USH1C: variants seen among roughly 807,000 people sequenced by gnomAD.
The protein encoded by USH1C is harmonin.
In USH1C, 90 loss-of-function variants were observed where a neutral mutation model predicts 119.3. The observed-to-expected ratio is 0.75, with a 90% CI of 0.64 to 0.90. The LOEUF (loss-of-function observed/expected upper bound fraction) is 0.90. Ranked by LOEUF, USH1C falls within the 40% of genes least tolerant of loss-of-function variation. The probability of loss-of-function intolerance (pLI) is 0.00; values close to 1 mark genes in which losing one functional copy is unlikely to be tolerated. For synonymous variants in USH1C, 465 were observed against 443.3 expected (o/e 1.05, Z -0.62); for missense variants, 1,165 against 1,167.7 (o/e 1.00, Z 0.03).
intron 16 of USH1C, among the ~76,000 whole-genome samples, chr11:17,510,937 T>A (rs1479627837): frequency 2.6e-4 from 39 of 152,230 alleles, no homozygotes; most frequent in Non-Finnish European, 4.4e-5. Flanking sequence ...TTCAATCTTA[T>A]TTTTAATTTT....
At chr11:17,519,455 A>C (rs1426570175) in intron 14 of USH1C, among the ~76,000 whole-genome samples, 1 of 152,208 alleles carries the variant, frequency 6.6e-6, no homozygotes, top group Non-Finnish European at 1.5e-5. Flanking sequence ...AGCTAGTGAA[A>C]GGGTTTTTAT....
At chr11:17,525,518 T>A (rs889528260) in intron 8 of USH1C, among the ~76,000 whole-genome samples, 2 of 152,232 alleles carry the variant, frequency 1.3e-5, no homozygotes, top group African/African-American at 4.8e-5. Flanking sequence ...GGAATTATTA[T>A]CGCCCATTTA....
In USH1C at chr11:17,504,707, GA is replaced by G. The variant is rs397848183; in HGVS notation, c.2134-11del. The G allele has an allele frequency of 0.037, 35,000 of 953,452 alleles. 3 individuals are homozygous for G. Among genetic ancestry groups the G allele is most frequent in the East Asian group, 0.054 (1,214 of 22,548 alleles). 59.1% of individuals were successfully genotyped at this position (953,452 alleles called of 1,614,324 possible). A position where few individuals can be genotyped will look rare whatever the true frequency, so the allele number is the denominator to read the frequency against. On this transcript the variant is annotated splice_polypyrimidine_tract_variant and intron_variant, in intron 19 of 26. Coordinates refer to ENST00000005226, the MANE Select transcript of USH1C (RefSeq NM_153676.4). The stretch of plus-strand genomic sequence containing the variant: ...TCAACATCTCCTGTGGCTGCCAGAG[GA>G]AAAAAAAAAAAGTTCCACATTGGAT...
At chr11:17,506,313 C>T (rs769254554) in intron 18 of USH1C, among the ~76,000 whole-genome samples, 1 of 152,210 alleles carries the variant, frequency 6.6e-6, no homozygotes, top group Non-Finnish European at 1.5e-5. Flanking sequence ...TCTTTGGCCA[C>T]AGTTCCAGTC....
chr11:17,533,365 C>CG (rs1554963786), intron 1 of USH1C, 43 bp from the exon 2 acceptor site: 3 of 1,436,868 alleles, frequency 2.1e-6, no homozygotes, highest in African/African-American at 2.8e-5. Flanking sequence ...GGCTCAGCAC[C>CG]CGCCCCCATA....
chr11:17,521,235 A>G, intron 13 of USH1C, 111 bp downstream of exon 13: 3 of 1,209,590 alleles, frequency 2.5e-6, no homozygotes, highest in Non-Finnish European at 3.7e-6. Flanking sequence ...AGGACCCACC[A>G]GGGGATGAGA....
intron 26 of USH1C, 191 bp from the exon 27 acceptor site, chr11:17,494,567 A>C (rs1195822783): frequency 2.7e-5 from 18 of 659,440 alleles, no homozygotes; most frequent in Non-Finnish European, 3.8e-5. Flanking sequence ...ACAGGAGGCC[A>C]GGGAGAAAGC....
chr11:17,535,567 G>T (rs1419797726), intron 1 of USH1C, among the ~76,000 whole-genome samples: 1 of 152,102 alleles, frequency 6.6e-6, no homozygotes, highest in African/African-American at 2.4e-5. Flanking sequence ...GATCTATTTT[G>T]TTCTAAATTT....
intron 22 of USH1C, 39 bp from the exon 23 acceptor site, chr11:17,501,189 C>G: frequency 1.3e-6 from 2 of 1,541,890 alleles, no homozygotes; most frequent in East Asian, 2.3e-5. Flanking sequence ...GCCAAGCAGA[C>G]AGCAGCCTGT....
chr11:17,543,739 C>T (rs1202070290), intron 1 of USH1C, among the ~76,000 whole-genome samples: 4 of 152,178 alleles, frequency 2.6e-5, no homozygotes, highest in African/African-American at 9.7e-5. Flanking sequence ...GGGTCAGCAC[C>T]AGCTCCTCAG....
At chr11:17,543,416 A>C (rs1007234503) in intron 1 of USH1C, among the ~76,000 whole-genome samples, 9 of 151,186 alleles carry the variant, frequency 6.0e-5, no homozygotes, top group East Asian at 2.0e-4. Flanking sequence ...GATACCACCC[A>C]CCCCCCCCAA....
chr11:17,500,652 G>T (rs368011856), intron 23 of USH1C, among the ~76,000 whole-genome samples: 1 of 152,064 alleles, frequency 6.6e-6, no homozygotes. Flanking sequence ...TCAGCTCAGG[G>T]TTCGCCCCTC....
intron 1 of USH1C, 121 bp downstream of exon 1, chr11:17,544,151 C>T: frequency 2.2e-6 from 3 of 1,371,626 alleles, no homozygotes; most frequent in South Asian, 2.4e-5. Context: ...GGTGTCCCAG[C>T]CCAACCAGAG....
chr11:17,517,925 C>T (rs1455142859), intron 14 of USH1C, among the ~76,000 whole-genome samples: 1 of 152,174 alleles, frequency 6.6e-6, no homozygotes, highest in East Asian at 1.9e-4. Flanking sequence ...ACAGTGTGGG[C>T]AGCAGATGGA....
intron 15 of USH1C, among the ~76,000 whole-genome samples, 191 bp downstream of exon 15, chr11:17,516,050 C>T (rs1850129430): frequency 6.6e-6 from 1 of 152,250 alleles, no homozygotes; most frequent in Non-Finnish European, 1.5e-5. Context: ...ATCCCTCTCC[C>T]AATGTTGCCT....
chr11:17,523,258 C>A lies in USH1C; in HGVS notation c.829G>T (p.Val277Leu). 6.2e-7 allele frequency: 1 copy of A among 1,614,192 alleles called. No homozygotes were observed. The highest frequency in any genetic ancestry group is 8.5e-7 in the Non-Finnish European group (1 of 1,180,028). Reference sequence around the variant, plus strand: ...GTCAGGCTGCGGCTACTCTTCAGCACATTTACAGCCTGTGGGGACAGAAGG... The same window carrying A: ...GTCAGGCTGCGGCTACTCTTCAGCAAATTTACAGCCTGTGGGGACAGAAGG... The part of the protein sequence containing the change: ...SNLDHKEAVN[V>L]LKSSRSLTIS... The change falls in exon 11 of 27, where the codon GTG (valine) becomes TTG (leucine). Residue 277 changes from valine to leucine, a missense_variant. By Grantham distance (32) the Val-to-Leu change is conservative (BLOSUM62 1). Transcript: ENST00000005226.
At chr11:17,532,165 C>T (rs1592025501) in intron 2 of USH1C, among the ~76,000 whole-genome samples, 1 of 152,204 alleles carries the variant, frequency 6.6e-6, no homozygotes, top group African/African-American at 2.4e-5. Flanking sequence ...TCTCCGTGCC[C>T]TCCCAAGTCC....
chr11:17,530,104 AC>A (rs1850891604), intron 4 of USH1C, among the ~76,000 whole-genome samples: 5 of 151,840 alleles, frequency 3.3e-5, no homozygotes, highest in Admixed American at 2.0e-4. Context: ...CCCTGTTTCC[AC>A]CCCTTACGCC....
chr11:17,503,294 C>A lies in USH1C; in HGVS notation c.2185-1314G>T, dbSNP rs530214884. Among the ~76,000 whole-genome samples, 31 of 152,294 alleles carry A rather than the reference C, an allele frequency of 2.0e-4. No homozygotes were observed. The Middle Eastern group carries it at 0.024, about 117-fold the overall frequency. On this transcript the variant is annotated intron_variant, in intron 20 of 26. Coordinates refer to ENST00000005226, the MANE Select transcript of USH1C (RefSeq NM_153676.4). ...GGCCCTGCCTACTCCGGCTGTTTCTCCTGGAAGGCTGGGCAGTGCTGGCTC... is the reference window on the plus strand; with the variant it reads ...GGCCCTGCCTACTCCGGCTGTTTCTACTGGAAGGCTGGGCAGTGCTGGCTC...
Sources: allele counts gnomAD v4.1 joint callset (sites outside exome capture counted in the v4.1 genomes callset), GRCh38; gene constraint gnomAD v4.1.1; transcripts MANE v1.5; gene names NCBI Gene and HGNC (gene_info 2026-07-23, HGNC 2026-07-21).